The following IL16 variants were observed in gnomAD, a reference collection of about 807,000 sequenced individuals.
IL16 encodes the protein pro-interleukin-16.
Under a neutral mutation model 110.1 loss-of-function variants are expected in IL16, and 67 were observed. That is an observed-to-expected ratio of 0.61 (90% CI 0.50 to 0.75). The LOEUF (loss-of-function observed/expected upper bound fraction) is 0.75, where lower values mean the gene tolerates loss of function less well. Ranked by LOEUF, IL16 falls within the 30% of genes least tolerant of loss-of-function variation. IL16 has a pLI of 0.00. For missense variants in IL16, 1,545 were observed against 1,655.0 expected (o/e 0.93, Z 1.15); for synonymous variants, 689 against 662.9 (o/e 1.04, Z -0.61).
chr15:81,189,586 A>T (rs1471745995), intron 1 of IL16, among the ~76,000 whole-genome samples: 21 of 152,234 alleles, frequency 1.4e-4, no homozygotes, highest in Non-Finnish European at 7.4e-5. Flanking sequence ...CGACCAGTCA[A>T]GTGATTTAAT....
chr15:81,289,067 A>C (rs1465844069), intron 10 of IL16, among the ~76,000 whole-genome samples: 1 of 152,110 alleles, frequency 6.6e-6, no homozygotes, highest in Non-Finnish European at 1.5e-5. Flanking sequence ...ACTATTTTCC[A>C]CAGTGGCTAC....
Position 81,303,578 on chromosome 15 carries a change from A to G in IL16, c.3348A>G (p.Leu1116=). Residue 1116 remains leucine, a synonymous_variant, in exon 16 of 19, where the codon TTA becomes TTG. Coordinates refer to ENST00000683961, the MANE Select transcript of IL16 (RefSeq NM_172217.5). This position sits in a 1 kb window ranked among gnomAD's most constrained non-coding sequence, Gnocchi z 4.1. ...KQLDGIHVTI[L]HKEEGAGLGF... is the part of the protein sequence containing the mutation. The stretch of plus-strand genomic sequence containing the variant: ...TAGACGGCATCCATGTCACCATCTT[A>G]CACAAGGAGGAAGGTGCTGGTCTTG... 1 of 1,613,840 alleles carries G rather than the reference A, an allele frequency of 6.2e-7. No individual in the cohort carries two copies. The highest frequency in any genetic ancestry group is 8.5e-7 in the Non-Finnish European group (1 of 1,179,674).
chr15:81,211,885 C>A (rs960694426), intron 1 of IL16, among the ~76,000 whole-genome samples: 2 of 152,114 alleles, frequency 1.3e-5, no homozygotes, highest in South Asian at 4.1e-4. Context: ...GGTGAATTAA[C>A]ATTTTGATAT....
At chr15:81,231,883 C>T (rs76146921) in intron 2 of IL16, among the ~76,000 whole-genome samples, 2,183 of 152,208 alleles carry the variant, frequency 0.014, 59 homozygotes, top group African/African-American at 0.051. Context: ...TGTCATCTCT[C>T]TTATAAGTCA....
intron 4 of IL16, 56 bp downstream of exon 4, chr15:81,265,857 G>A (rs754342379): frequency 7.2e-6 from 11 of 1,534,054 alleles, no homozygotes; most frequent in South Asian, 1.2e-5. Flanking sequence ...AGAAGGGAGG[G>A]GCCCAACATT....
In IL16 at chr15:81,297,071, C is replaced by A; in HGVS notation, c.2046C>A (p.Ala682=). The change falls in exon 13 of 19, where the codon GCC becomes GCA. Residue 682 remains alanine, a synonymous_variant. Transcript: ENST00000683961. The part of the protein sequence containing the change: ...STEGEPGWRR[A]SPVTQTSPIK... ...AGGGCGAGCCAGGGTGGAGAAGAGCCAGCCCAGGTAAGCTTTCATTGAGAT... is the reference window on the plus strand; with the variant it reads ...AGGGCGAGCCAGGGTGGAGAAGAGCAAGCCCAGGTAAGCTTTCATTGAGAT... 6.2e-7 allele frequency: 1 copy of A among 1,610,350 alleles called. No individual in the cohort carries two copies. Among genetic ancestry groups the A allele is most frequent in the Non-Finnish European group, 8.5e-7 (1 of 1,178,664 alleles).
chr15:81,298,178 G>A (rs1900085748), intron 13 of IL16, among the ~76,000 whole-genome samples: 1 of 152,240 alleles, frequency 6.6e-6, no homozygotes, highest in African/African-American at 2.4e-5. Context: ...ACAGGCTGGA[G>A]GCCTGGGCTC....
At position 81,303,458 on chromosome 15, in the gene IL16, G is replaced by C. The variant is rs1370933487; in HGVS notation, c.3319-91G>C. On this transcript the variant is annotated intron_variant, in intron 15 of 18. Coordinates refer to ENST00000683961, the MANE Select transcript of IL16 (RefSeq NM_172217.5). This position sits in a 1 kb window ranked among gnomAD's most constrained non-coding sequence, Gnocchi z 4.1. ...TTGGAGGCTGGCCAAGCTGGGGTTT[G>C]AGATAACAAATCAGTCTGATGTCAG... The C allele has an allele frequency of 2.3e-6, 2 of 868,136 alleles. No individual in the cohort carries two copies. Among genetic ancestry groups the C allele is most frequent in the Middle Eastern group, 2.2e-4 (1 of 4,518 alleles). The allele number at this position is 868,136 out of a possible 1,614,324, so 53.8% of individuals were successfully genotyped here. A position where few individuals can be genotyped will look rare whatever the true frequency, so the allele number is the denominator to read the frequency against.
chr15:81,224,475 C>G (rs1896722267), intron 1 of IL16, among the ~76,000 whole-genome samples: 1 of 152,246 alleles, frequency 6.6e-6, no homozygotes, highest in East Asian at 1.9e-4. Flanking sequence ...CATCTTTGGT[C>G]TCTCTGGCTG....
At position 81,205,018 on chromosome 15, in the gene IL16, A is replaced by G. The variant is rs193046482; in HGVS notation, c.-102+7866A>G. Among the ~76,000 whole-genome samples, 991 of 152,160 alleles carry G rather than the reference A, an allele frequency of 6.5e-3. 15 individuals carry two copies. The highest frequency in any genetic ancestry group is 0.022 in the African/African-American group (934 of 41,522). On this transcript the variant is annotated intron_variant, in intron 1 of 18. Coordinates refer to ENST00000683961, the MANE Select transcript of IL16 (RefSeq NM_172217.5). ...CGATTTTGAAATAAAGCAAATGATA[A>G]ATCTTAGACCGGGCGCAGTGGCTCA...
At position 81,312,387 on chromosome 15, in the gene IL16, A is replaced by G. The variant is rs1386578919; in HGVS notation, c.*3589A>G. On this transcript the variant is annotated 3_prime_UTR_variant, in exon 19 of 19. Transcript: ENST00000683961. ...TTCCTGATGGCAGGATGGCCTGGCC[A>G]GGGCCTGGAAGACAGAGACCTCCTG... 6.6e-6 allele frequency: 1 copy of G among 152,264 alleles called. No homozygotes were observed. The highest frequency in any genetic ancestry group is 1.5e-5 in the Non-Finnish European group (1 of 68,062). 9.4% of individuals were successfully genotyped at this position (152,264 alleles called of 1,614,324 possible). A position where few individuals can be genotyped will look rare whatever the true frequency, so the allele number is the denominator to read the frequency against.
intron 2 of IL16, among the ~76,000 whole-genome samples, chr15:81,238,076 G>A (rs955167777): frequency 6.6e-6 from 1 of 151,820 alleles, no homozygotes; most frequent in African/African-American, 2.4e-5. Context: ...GCTAATTTTT[G>A]TATTTTTAGT....
At chr15:81,204,749 T>TAA (rs397969205) in intron 1 of IL16, among the ~76,000 whole-genome samples, 9 of 118,200 alleles carry the variant, frequency 7.6e-5, no homozygotes, top group African/African-American at 3.8e-4. Flanking sequence ...ATAACAAAAT[T>TAA]AAAAAAAAAA....
intron 5 of IL16, 23 bp downstream of exon 5, chr15:81,269,671 A>T (rs1437202491): frequency 6.4e-7 from 1 of 1,553,456 alleles, no homozygotes; most frequent in East Asian, 2.2e-5. Flanking sequence ...TGTGGCCAAC[A>T]GGAAGTCCTG....
At chr15:81,255,848 C>T (rs1897927080) in intron 2 of IL16, among the ~76,000 whole-genome samples, 1 of 152,218 alleles carries the variant, frequency 6.6e-6, no homozygotes, top group Admixed American at 6.5e-5. Context: ...CAATTTCCAA[C>T]TGTGCCTTGG....
chr15:81,289,157 C>CT (rs369942732), intron 10 of IL16, among the ~76,000 whole-genome samples: 76 of 152,140 alleles, frequency 5.0e-4, no homozygotes, highest in African/African-American at 1.7e-3. Flanking sequence ...ATTTTCTTTT[C>CT]TTTTTTTGAG....
intron 8 of IL16, among the ~76,000 whole-genome samples, chr15:81,280,571 C>G (rs1480666553): frequency 6.6e-6 from 1 of 152,180 alleles, no homozygotes; most frequent in Non-Finnish European, 1.5e-5. Context: ...AAAGTAGAGG[C>G]TTGGAATCCA....
chr15:81,231,661 C>T (rs1052639840), intron 2 of IL16, among the ~76,000 whole-genome samples: 8 of 152,342 alleles, frequency 5.3e-5, no homozygotes, highest in African/African-American at 1.9e-4. Context: ...GAGTGAGCCA[C>T]TCTGCTCGGC....
At position 81,279,546 on chromosome 15, in the gene IL16, T is replaced by A. The variant is rs762134212; in HGVS notation, c.865-12T>A. On this transcript the variant is annotated splice_polypyrimidine_tract_variant and intron_variant, in intron 7 of 18. Transcript: ENST00000683961. ...TGCTGCTGGGTGTTGTAGCCCTCTC[T>A]CTTTCTTTCAGCAAGCCAAAAAGGG... 6.2e-7 allele frequency: 1 copy of A among 1,605,072 alleles called. No homozygotes were observed. The highest frequency in any genetic ancestry group is 8.5e-7 in the Non-Finnish European group (1 of 1,175,662).
Sources: allele counts gnomAD v4.1 joint callset (sites outside exome capture counted in the v4.1 genomes callset), GRCh38; gene constraint gnomAD v4.1.1; non-coding constraint Gnocchi (gnomAD v3.1); transcripts MANE v1.5; gene names NCBI Gene and HGNC (gene_info 2026-07-23, HGNC 2026-07-21).